MAGI2: variants seen among roughly 807,000 people sequenced by gnomAD.
The protein encoded by MAGI2 is membrane-associated guanylate kinase, WW and PDZ domain-containing protein 2.
Under a neutral mutation model 133.3 loss-of-function variants are expected in MAGI2, and 35 were observed. That is an observed-to-expected ratio of 0.26 (90% CI 0.20 to 0.35). The LOEUF is 0.35. MAGI2 is among the 10% of genes least tolerant of loss of function. MAGI2 has a pLI of 1.00. For synonymous variants in MAGI2, 729 were observed against 710.6 expected (o/e 1.03, Z -0.41); for missense variants, 1,636 against 1,863.4 (o/e 0.88, Z 2.25).
At chr7:78,456,922 A>G (rs1252517934) in intron 6 of MAGI2, 1 of 152,214 alleles carries the variant, frequency 6.6e-6, no homozygotes, top group East Asian at 1.9e-4. Context: ...ACCTTTTCCT[A>G]CAGGGAACAT....
At chr7:78,708,913 A>G (rs1818908123) in intron 2 of MAGI2, among the ~76,000 whole-genome samples, 1 of 152,020 alleles carries the variant, frequency 6.6e-6, no homozygotes. Flanking sequence ...CCTATATTCT[A>G]CTTTTCTTAA....
At chr7:78,281,363 G>C (rs2151012447) in intron 9 of MAGI2, among the ~76,000 whole-genome samples, 1 of 152,216 alleles carries the variant, frequency 6.6e-6, no homozygotes, top group Non-Finnish European at 1.5e-5. Flanking sequence ...TATGGGGGCA[G>C]TTTCCCCCAT....
chr7:79,326,298 T>C (rs975934218), intron 1 of MAGI2, among the ~76,000 whole-genome samples: 3 of 152,160 alleles, frequency 2.0e-5, no homozygotes, highest in Non-Finnish European at 4.4e-5. Context: ...TTCAAACAAT[T>C]ATAATCATTG....
chr7:79,311,270 G>T (rs913742490), intron 1 of MAGI2, among the ~76,000 whole-genome samples: 5 of 151,922 alleles, frequency 3.3e-5, no homozygotes, highest in African/African-American at 1.2e-4. Context: ...GGCTTCCCTG[G>T]GCCACCTTGG....
intron 1 of MAGI2, among the ~76,000 whole-genome samples, chr7:79,081,076 C>G (rs1198989821): frequency 6.6e-6 from 1 of 152,106 alleles, no homozygotes; most frequent in Non-Finnish European, 1.5e-5. Flanking sequence ...CCTGCCTACT[C>G]TATCACCCAC....
At chr7:78,677,776 T>C (rs1384172969) in intron 2 of MAGI2, among the ~76,000 whole-genome samples, 1 of 152,138 alleles carries the variant, frequency 6.6e-6, no homozygotes, top group African/African-American at 2.4e-5. Context: ...AGAAACAACA[T>C]GGCGTCCAGT....
At chr7:78,564,395 T>C (rs1248513566) in intron 3 of MAGI2, among the ~76,000 whole-genome samples, 1 of 152,258 alleles carries the variant, frequency 6.6e-6, no homozygotes, top group Non-Finnish European at 1.5e-5. Context: ...TAAATACTTG[T>C]ACATTTTTGT....
chr7:78,081,205 C>T (rs1815933158), intron 20 of MAGI2, among the ~76,000 whole-genome samples: 1 of 152,160 alleles, frequency 6.6e-6, no homozygotes, highest in South Asian at 2.1e-4. Flanking sequence ...GTAGTAATGG[C>T]ACCCCACTCT....
chr7:78,384,824 A>G lies in MAGI2; in HGVS notation c.1046-15611T>C, dbSNP rs1250594796. Among the ~76,000 whole-genome samples the G allele has an allele frequency of 2.0e-5, 3 of 152,162 alleles. No homozygotes were observed. The East Asian group carries it at 5.8e-4, about 29-fold the overall frequency. ...TTTTCTATTTAATATGCAGCCTTGA[A>G]GCATTGTTTAATTAAAATGGCACTT... On this transcript the variant is annotated intron_variant, in intron 6 of 21. Coordinates refer to ENST00000354212, the MANE Select transcript of MAGI2 (RefSeq NM_012301.4).
intron 2 of MAGI2, among the ~76,000 whole-genome samples, chr7:78,780,283 CA>C (rs1826293099): frequency 6.6e-6 from 1 of 152,182 alleles, no homozygotes; most frequent in African/African-American, 2.4e-5. Context: ...AAGATATGCA[CA>C]AATGTCTCTT....
At chr7:78,477,138 T>G (rs11764471) in intron 6 of MAGI2, among the ~76,000 whole-genome samples, 40,703 of 151,676 alleles carry the variant, frequency 0.27, 6,312 homozygotes, top group African/African-American at 0.44. Flanking sequence ...TTCAGATCAG[T>G]GCTTCACCTT....
intron 2 of MAGI2, among the ~76,000 whole-genome samples, chr7:78,884,705 G>T (rs1181103388): frequency 1.3e-5 from 2 of 152,108 alleles, no homozygotes; most frequent in Non-Finnish European, 2.9e-5. Flanking sequence ...AAAGGGAATG[G>T]TTATACACTT....
At chr7:78,604,315 G>A (rs1345147878) in intron 3 of MAGI2, among the ~76,000 whole-genome samples, 1 of 152,104 alleles carries the variant, frequency 6.6e-6, no homozygotes, top group Non-Finnish European at 1.5e-5. Flanking sequence ...TATGTTGATG[G>A]GCAAGGAGGG....
At chr7:78,526,964 C>G (rs542614640) in intron 3 of MAGI2, among the ~76,000 whole-genome samples, 1 of 131,880 alleles carries the variant, frequency 7.6e-6, no homozygotes, top group Non-Finnish European at 1.5e-5. Context: ...GCCGAGATCA[C>G]GCCACTGCAC....
intron 3 of MAGI2, among the ~76,000 whole-genome samples, chr7:78,546,796 T>C (rs1798885229): frequency 6.6e-6 from 1 of 152,214 alleles, no homozygotes. Flanking sequence ...CTATGTAAGT[T>C]GAAGCATGTT....
At chr7:78,634,700 A>G (rs1809442310) in intron 2 of MAGI2, among the ~76,000 whole-genome samples, 1 of 152,194 alleles carries the variant, frequency 6.6e-6, no homozygotes, top group Non-Finnish European at 1.5e-5. Flanking sequence ...AAGATGATGA[A>G]TAGTTGACAG....
At chr7:78,078,923 G>T in intron 21 of MAGI2, 24 bp downstream of exon 21, 9 of 1,612,564 alleles carry the variant, frequency 5.6e-6, no homozygotes, top group Non-Finnish European at 7.6e-6. Context: ...AGAGCAAAAG[G>T]GTGAATTAAA....
intron 2 of MAGI2, among the ~76,000 whole-genome samples, chr7:78,931,697 T>C (rs1021521710): frequency 6.6e-6 from 1 of 152,144 alleles, no homozygotes; most frequent in Non-Finnish European, 1.5e-5. Flanking sequence ...GGATTCTAGA[T>C]GTGGCAGAAA....
chr7:78,568,276 C>T (rs535590836), intron 3 of MAGI2: 1 of 152,294 alleles, frequency 6.6e-6, no homozygotes, highest in South Asian at 2.1e-4. Flanking sequence ...CATCTAGAAT[C>T]TAACAGCTTT....
Sources: allele counts gnomAD v4.1 joint callset (sites outside exome capture counted in the v4.1 genomes callset), GRCh38; gene constraint gnomAD v4.1.1; transcripts MANE v1.5; gene names NCBI Gene and HGNC (gene_info 2026-07-23, HGNC 2026-07-21).